Variants in NPAS3 observed in about 807,000 individuals in gnomAD.
The protein encoded by NPAS3 is neuronal PAS domain-containing protein 3.
A neutral mutation model predicts 73.1 loss-of-function variants in NPAS3; 14 were observed. The observed-to-expected ratio is 0.19, with a 90% CI of 0.13 to 0.30. NPAS3 has a LOEUF of 0.30. Ranked by LOEUF, NPAS3 falls within the 10% of genes least tolerant of loss-of-function variation. The pLI is 1.00. For missense variants in NPAS3, 1,096 were observed against 1,250.0 expected (o/e 0.88, Z 1.86); for synonymous variants, 620 against 541.5 (o/e 1.14, Z -2.01).
intron 6 of NPAS3, among the ~76,000 whole-genome samples, chr14:33,677,935 T>C (rs1354056506): frequency 2.0e-5 from 3 of 152,232 alleles, no homozygotes; most frequent in Non-Finnish European, 4.4e-5. Flanking sequence ...CTGGGCATAT[T>C]TGAGAAACAG....
chr14:33,579,267 C>T (rs1274387485), intron 5 of NPAS3, among the ~76,000 whole-genome samples: 1 of 152,172 alleles, frequency 6.6e-6, no homozygotes, highest in Non-Finnish European at 1.5e-5. Flanking sequence ...TCACACATCT[C>T]AGTAATTCAG....
intron 5 of NPAS3, among the ~76,000 whole-genome samples, chr14:33,575,493 T>C (rs1337176165): frequency 6.6e-6 from 1 of 152,218 alleles, no homozygotes. Context: ...CTAACATTTC[T>C]GTGAGTGCTG....
intron 4 of NPAS3, among the ~76,000 whole-genome samples, chr14:33,485,221 C>T (rs1323209786): frequency 6.6e-6 from 1 of 152,098 alleles, no homozygotes; most frequent in Non-Finnish European, 1.5e-5. Context: ...TAAAAGTCTG[C>T]CGCATCCCAA....
chr14:33,022,549 T>C (rs897534298), intron 1 of NPAS3, among the ~76,000 whole-genome samples: 10 of 151,302 alleles, frequency 6.6e-5, no homozygotes, highest in East Asian at 3.9e-4. Context: ...CCTGTAGTCC[T>C]AGCTGCTCTG....
intron 3 of NPAS3, among the ~76,000 whole-genome samples, chr14:33,337,946 G>A (rs1036445632): frequency 7.6e-6 from 1 of 132,348 alleles, no homozygotes; most frequent in Non-Finnish European, 1.6e-5. Flanking sequence ...TAACTAACTT[G>A]TGGATTATTT....
chr14:33,330,677 G>A (rs1031143633), intron 3 of NPAS3, among the ~76,000 whole-genome samples: 50 of 152,262 alleles, frequency 3.3e-4, no homozygotes, highest in South Asian at 8.3e-4. Context: ...GTTATTGGAC[G>A]TCTATTCCAG....
At chr14:33,640,654 A>G (rs914719393) in intron 5 of NPAS3, among the ~76,000 whole-genome samples, 3 of 152,216 alleles carry the variant, frequency 2.0e-5, no homozygotes, top group Non-Finnish European at 1.5e-5. Context: ...CCAATGAGCA[A>G]TTGCAGCGGT....
intron 6 of NPAS3, among the ~76,000 whole-genome samples, chr14:33,713,865 C>T (rs2060887231): frequency 6.6e-6 from 1 of 152,158 alleles, no homozygotes; most frequent in Non-Finnish European, 1.5e-5. Flanking sequence ...CTTTTATCGC[C>T]ATCACTTTTC....
At chr14:33,548,353 A>C (rs1167366605) in intron 4 of NPAS3, among the ~76,000 whole-genome samples, 1 of 152,232 alleles carries the variant, frequency 6.6e-6, no homozygotes, top group Non-Finnish European at 1.5e-5. Context: ...ACACATCTTC[A>C]GCTATTTAAG....
intron 1 of NPAS3, among the ~76,000 whole-genome samples, chr14:33,037,413 G>A (rs2040204186): frequency 2.0e-5 from 3 of 151,626 alleles, no homozygotes; most frequent in Non-Finnish European, 4.4e-5. Context: ...GGGAGGCAAG[G>A]GCAGGAGGAT....
chr14:33,260,809 A>G (rs1214456349), intron 3 of NPAS3, among the ~76,000 whole-genome samples: 5 of 151,994 alleles, frequency 3.3e-5, no homozygotes, highest in Non-Finnish European at 5.9e-5. Context: ...ATCCTAACAG[A>G]TTTCTTCTTC....
intron 9 of NPAS3, among the ~76,000 whole-genome samples, chr14:33,785,942 T>C (rs1566540234): frequency 6.6e-6 from 1 of 152,234 alleles, no homozygotes. Context: ...GGTCAGTCGA[T>C]GTTTTGTGTT....
At chr14:33,216,024 A>G (rs1389526414) in intron 3 of NPAS3, among the ~76,000 whole-genome samples, 1 of 152,066 alleles carries the variant, frequency 6.6e-6, no homozygotes, top group African/African-American at 2.4e-5. Context: ...GGTCTTTCTC[A>G]CTCTGATGCC....
intron 4 of NPAS3, among the ~76,000 whole-genome samples, chr14:33,528,266 C>G (rs543830846): frequency 6.6e-6 from 1 of 152,042 alleles, no homozygotes; most frequent in South Asian, 2.1e-4. Flanking sequence ...AAAGCCTAAG[C>G]TTTGCTACCA....
At chr14:32,980,674 T>A (rs1323362603) in intron 1 of NPAS3, among the ~76,000 whole-genome samples, 1 of 152,122 alleles carries the variant, frequency 6.6e-6, no homozygotes, top group Non-Finnish European at 1.5e-5. Context: ...GACCTCTGAG[T>A]CCAGGAAACT....
intron 5 of NPAS3, among the ~76,000 whole-genome samples, chr14:33,564,819 GT>G (rs1211485168): frequency 6.6e-6 from 1 of 152,152 alleles, no homozygotes; most frequent in Non-Finnish European, 1.5e-5. Context: ...ATAGGGTCCT[GT>G]TTACAACAAA....
chr14:33,414,852 A>G (rs1005516730), intron 4 of NPAS3, among the ~76,000 whole-genome samples: 1 of 152,070 alleles, frequency 6.6e-6, no homozygotes, highest in Non-Finnish European at 1.5e-5. Context: ...CCTTTAAACA[A>G]TGAAGGTAGT....
chr14:33,233,749 T>C (rs190948396), intron 3 of NPAS3, among the ~76,000 whole-genome samples: 32 of 152,242 alleles, frequency 2.1e-4, no homozygotes, highest in South Asian at 8.3e-4. Context: ...TGTTCCTAAA[T>C]TACCTTAAGG....
chr14:33,066,675 G>T (rs2041292504), intron 2 of NPAS3, among the ~76,000 whole-genome samples: 1 of 152,188 alleles, frequency 6.6e-6, no homozygotes. Flanking sequence ...GCAAGACTCT[G>T]AAACAGAGAC....
Sources: allele counts gnomAD v4.1 joint callset (sites outside exome capture counted in the v4.1 genomes callset), GRCh38; gene constraint gnomAD v4.1.1; transcripts MANE v1.5; gene names NCBI Gene and HGNC (gene_info 2026-07-23, HGNC 2026-07-21).